Variants in PDE6G observed in about 807,000 individuals in gnomAD.
PDE6G encodes the protein rod cGMP 3',5'-cyclic phosphodiesterase subunit gamma.
In PDE6G, 10 loss-of-function variants were observed where a neutral mutation model predicts 10.9. That is an observed-to-expected ratio of 0.91 (90% CI 0.56 to 1.55). PDE6G has a LOEUF of 1.55. Among genes scored for constraint, PDE6G ranks in the 40% most tolerant of loss-of-function variants. PDE6G has a pLI of 0.00. For synonymous variants in PDE6G, 41 were observed against 42.8 expected (o/e 0.96, Z 0.16); for missense variants, 102 against 110.1 (o/e 0.93, Z 0.33).
At chr17:81,655,503 G>T (rs1259231064) in intron 1 of PDE6G, among the ~76,000 whole-genome samples, 1 of 152,236 alleles carries the variant, frequency 6.6e-6, no homozygotes, top group Non-Finnish European at 1.5e-5. Context: ...CTGCACTGCT[G>T]CACAGGGTGG....
intron 1 of PDE6G, among the ~76,000 whole-genome samples, chr17:81,662,232 A>G (rs2036519107): frequency 6.6e-6 from 1 of 152,168 alleles, no homozygotes; most frequent in Admixed American, 6.6e-5. Flanking sequence ...GCATGTCGTC[A>G]ACCTTCGCAA....
chr17:81,653,458 C>G lies in PDE6G; in HGVS notation c.-59-94G>C, dbSNP rs2036400224. On this transcript the variant is annotated intron_variant, in intron 1 of 3. Transcript: ENST00000331056. This position sits in a 1 kb window ranked among gnomAD's most constrained non-coding sequence, Gnocchi z 5.2. ...ACCGGTGGAGGGGCTGAGACCCAGC[C>G]CCGCCAGCTCCAGCGTCATCCAGAC... 1 of 790,696 alleles carries G rather than the reference C, an allele frequency of 1.3e-6. No individual in the cohort carries two copies. Among genetic ancestry groups the G allele is most frequent in the South Asian group, 1.6e-5 (1 of 61,706 alleles). The allele number at this position is 790,696 out of a possible 1,614,324, so 49.0% of individuals were successfully genotyped here.
chr17:81,651,512 G>A lies in PDE6G; in HGVS notation c.187+133C>T. The A allele has an allele frequency of 2.6e-6, 2 of 781,144 alleles. No individual in the cohort carries two copies. Among genetic ancestry groups the A allele is most frequent in the South Asian group, 2.9e-5 (2 of 69,832 alleles). The allele number at this position is 781,144 out of a possible 1,614,324, so 48.4% of individuals were successfully genotyped here. On this transcript the variant is annotated intron_variant, in intron 3 of 3. Transcript: ENST00000331056. The surrounding 1 kb of genome is among the most constrained non-coding windows in gnomAD (Gnocchi z 4.8). ...GCTCAGTGTTGGGGGAAGAAGTGATGGACAGGCTGGGGGTCCCTAAGTGAA... is the reference window on the plus strand; with the variant it reads ...GCTCAGTGTTGGGGGAAGAAGTGATAGACAGGCTGGGGGTCCCTAAGTGAA...
chr17:81,660,855 T>C (rs538292213), upstream of PDE6G, among the ~76,000 whole-genome samples: 15 of 152,350 alleles, frequency 9.8e-5, no homozygotes, highest in Admixed American at 9.2e-4. Flanking sequence ...AAGCAGATTC[T>C]GTGTGCTGCC....
chr17:81,661,546 G>A (rs1370276461), intron 1 of PDE6G, among the ~76,000 whole-genome samples: 1 of 152,016 alleles, frequency 6.6e-6, no homozygotes, highest in Non-Finnish European at 1.5e-5. Flanking sequence ...GTGAAACCCC[G>A]TCTCTACTAA....
upstream of PDE6G, among the ~76,000 whole-genome samples, chr17:81,659,618 AAAAG>A (rs1017304732): frequency 6.6e-6 from 1 of 152,090 alleles, no homozygotes; most frequent in Non-Finnish European, 1.5e-5. Flanking sequence ...TAAATAATAA[AAAAG>A]AAATTAAACG....
At chr17:81,660,072 C>T (rs547065007), upstream of PDE6G, among the ~76,000 whole-genome samples, 8 of 151,548 alleles carry the variant, frequency 5.3e-5, no homozygotes, top group South Asian at 1.5e-3. Context: ...GCAACAAGAG[C>T]GAAACTTCAT....
rs542275962 is a variant in PDE6G, at chr17:81,651,262, G to A, written c.188-112C>T. The stretch of plus-strand genomic sequence containing the variant: ...GGTGTAGCCCTACAGTGTGCTGAGC[G>A]GGGACGTGCGGACGCTGGAGTGGGG... On this transcript the variant is annotated intron_variant, in intron 3 of 3. Coordinates refer to ENST00000331056, the MANE Select transcript of PDE6G (RefSeq NM_002602.4). The surrounding 1 kb of genome is among the most constrained non-coding windows in gnomAD (Gnocchi z 4.8). The A allele has an allele frequency of 2.5e-5, 20 of 792,128 alleles. No homozygotes were observed. Among genetic ancestry groups the A allele is most frequent in the Admixed American group, 1.4e-4 (7 of 50,160 alleles). The allele number at this position is 792,128 out of a possible 1,614,324, so 49.1% of individuals were successfully genotyped here.
upstream of PDE6G, among the ~76,000 whole-genome samples, chr17:81,661,157 C>T (rs976050735): frequency 4.6e-5 from 7 of 152,106 alleles, no homozygotes; most frequent in African/African-American, 1.7e-4. Context: ...GAGGCCAAGG[C>T]AGGAGCCCAG....
At chr17:81,652,997 A>G (rs963109283) in intron 2 of PDE6G, among the ~76,000 whole-genome samples, 163 bp downstream of exon 2, 7 of 150,536 alleles carry the variant, frequency 4.7e-5, no homozygotes, top group Admixed American at 2.0e-4. Context: ...CCCCTCCTCC[A>G]TCCCTGCTCA....
upstream of PDE6G, among the ~76,000 whole-genome samples, chr17:81,658,359 C>T (rs142621040): frequency 9.6e-3 from 1,453 of 150,746 alleles, 53 homozygotes; most frequent in East Asian, 0.064. Context: ...GCTGGGATTA[C>T]AGGTGTGAGC....
chr17:81,650,834 G>A lies in PDE6G; in HGVS notation c.*240C>T. The A allele has an allele frequency of 1.6e-6, 1 of 610,272 alleles. No homozygotes were observed. The highest frequency in any genetic ancestry group is 1.5e-5 in the South Asian group (1 of 65,828). 37.8% of individuals were successfully genotyped at this position (610,272 alleles called of 1,614,324 possible). On this transcript the variant is annotated 3_prime_UTR_variant, in exon 4 of 4. Transcript: ENST00000331056. ...TCTCTGTGGGCAGGACTGAGGGGTG[G>A]GCCTGTATCTCCAGATGTTGAGCAG...
At chr17:81,657,878 TTCAAA>T (rs1168298794), upstream of PDE6G, among the ~76,000 whole-genome samples, 1 of 142,544 alleles carries the variant, frequency 7.0e-6, no homozygotes, top group African/African-American at 2.6e-5. Context: ...GAGATTCTGT[TTCAAA>T]TGAATAAATA....
intron 2 of PDE6G, among the ~76,000 whole-genome samples, 176 bp downstream of exon 2, chr17:81,652,984 T>C (rs2036385819): frequency 6.6e-6 from 1 of 151,748 alleles, no homozygotes; most frequent in African/African-American, 2.4e-5. Flanking sequence ...CCAATTCCCC[T>C]TCCCCCTCCT....
At chr17:81,659,535 G>T (rs1042904640), upstream of PDE6G, among the ~76,000 whole-genome samples, 1 of 151,998 alleles carries the variant, frequency 6.6e-6, no homozygotes, top group African/African-American at 2.4e-5. Flanking sequence ...GGAGGCGGAG[G>T]TTGCAGTGAG....
chr17:81,656,864 C>T (rs564831526), upstream of PDE6G: 10 of 520,416 alleles, frequency 1.9e-5, no homozygotes, highest in African/African-American at 1.5e-4. Flanking sequence ...GAAGGGCCCA[C>T]CTTCATGGTC....
rs2071451 is a variant in PDE6G at position 81,653,547 on chromosome 17, G to T, written c.-59-183C>A. On this transcript the variant is annotated intron_variant, in intron 1 of 3. Transcript: ENST00000331056. The surrounding 1 kb of genome is among the most constrained non-coding windows in gnomAD (Gnocchi z 5.2). ...CAGCTTTGCTTGGGTCCACCCGCACGCTCCCATTCCCCTTGCCTAGTGGAT... is the reference window on the plus strand; with the variant it reads ...CAGCTTTGCTTGGGTCCACCCGCACTCTCCCATTCCCCTTGCCTAGTGGAT... 52,793 of 565,148 alleles carry T rather than the reference G, an allele frequency of 0.093. 3,140 individuals carry two copies. Among genetic ancestry groups the T allele is most frequent in the Admixed American group, 0.22 (7,134 of 32,742 alleles). 35.0% of individuals were successfully genotyped at this position (565,148 alleles called of 1,614,324 possible).
rs2036448039 is a variant in PDE6G at position 81,656,474 on chromosome 17, GGGGTT to G, written c.-60+14_-60+18del. The G allele has an allele frequency of 2.6e-6, 2 of 759,268 alleles. No homozygotes were observed. The highest frequency in any genetic ancestry group is 2.4e-6 in the Non-Finnish European group (1 of 415,650). 47.0% of individuals were successfully genotyped at this position (759,268 alleles called of 1,614,324 possible). A position where few individuals can be genotyped will look rare whatever the true frequency, so the allele number is the denominator to read the frequency against. Reference sequence around the variant, plus strand: ...GGAAGTGGCTGCCAGGAAAGACAGCGGGGTTGGCCACTACTCACCAAGTGCAGGGC... The same window carrying G: ...GGAAGTGGCTGCCAGGAAAGACAGCGGGCCACTACTCACCAAGTGCAGGGC... On this transcript the variant is annotated intron_variant, in intron 1 of 3. Transcript: ENST00000331056.
chr17:81,652,367 C>CCCG (rs2036372125), intron 2 of PDE6G, among the ~76,000 whole-genome samples: 2 of 152,154 alleles, frequency 1.3e-5, no homozygotes, highest in South Asian at 4.1e-4. Context: ...AGCTCTGCCT[C>CCCG]CCGGGTTCAC....
Sources: gnomAD v4.1 joint callset for allele counts (sites outside exome capture counted in the v4.1 genomes callset) on GRCh38, gnomAD v4.1.1 for gene constraint, Gnocchi (gnomAD v3.1) non-coding constraint, MANE v1.5 for transcripts, NCBI Gene and HGNC (gene_info 2026-07-23, HGNC 2026-07-21) for gene names.